Variants in PSD2 observed in about 807,000 individuals in gnomAD.
PSD2 encodes PH and SEC7 domain-containing protein 2.
A neutral mutation model predicts 69.8 loss-of-function variants in PSD2; 38 were observed. That is an observed-to-expected ratio of 0.54 (90% CI 0.42 to 0.71). The LOEUF is 0.71. Ranked by LOEUF, PSD2 falls within the 30% of genes least tolerant of loss-of-function variation. The pLI is 0.00. For missense variants in PSD2, 943 were observed against 1,014.5 expected (o/e 0.93, Z 0.96); for synonymous variants, 412 against 423.0 (o/e 0.97, Z 0.32).
At chr5:139,836,704 T>C (rs935966735) in intron 9 of PSD2, 107 bp from the exon 10 acceptor site, 24 of 960,584 alleles carry the variant, frequency 2.5e-5, no homozygotes, top group Non-Finnish European at 3.7e-5. Flanking sequence ...GGGGCTGCTC[T>C]TCCTCCATGA....
the PSD2 span, among the ~76,000 whole-genome samples, chr5:139,760,841 C>CAATAGAG: frequency 6.6e-6 from 1 of 152,020 alleles, no homozygotes; most frequent in Non-Finnish European, 1.5e-5. Context: ...GTGCTACAGC[C>CAATAGAG]AATAGAGAAT....
At chr5:139,805,764 G>A (rs961076722) in intron 1 of PSD2, among the ~76,000 whole-genome samples, 9 of 152,172 alleles carry the variant, frequency 5.9e-5, no homozygotes, top group East Asian at 5.8e-4. Flanking sequence ...CTCAGGGAGC[G>A]GAAAGAAGGC....
chr5:139,772,252 C>G, the PSD2 span, among the ~76,000 whole-genome samples: 1 of 152,278 alleles, frequency 6.6e-6, no homozygotes, highest in South Asian at 2.1e-4. Flanking sequence ...GACTCTAGTC[C>G]CAGACCCAGC....
At chr5:139,757,478 A>AG in the PSD2 span, among the ~76,000 whole-genome samples, 2 of 152,194 alleles carry the variant, frequency 1.3e-5, no homozygotes, top group South Asian at 2.1e-4. Context: ...CAAAGACTCA[A>AG]GGGGGGTAGT....
At chr5:139,805,469 C>T (rs995240325) in intron 1 of PSD2, among the ~76,000 whole-genome samples, 1 of 152,202 alleles carries the variant, frequency 6.6e-6, no homozygotes, top group Non-Finnish European at 1.5e-5. Flanking sequence ...ACTCTGGGGA[C>T]ACAGCCGTGA....
the PSD2 span, among the ~76,000 whole-genome samples, chr5:139,785,102 C>T: frequency 6.6e-6 from 1 of 152,026 alleles, no homozygotes; most frequent in Non-Finnish European, 1.5e-5. Context: ...TTTCAAAGTG[C>T]CCACTGATAA....
At chr5:139,832,247 C>T (rs554818529) in intron 7 of PSD2, among the ~76,000 whole-genome samples, 2 of 152,276 alleles carry the variant, frequency 1.3e-5, no homozygotes, top group South Asian at 2.1e-4. Context: ...CAACATTGCC[C>T]TCATAATCCT....
the PSD2 span, among the ~76,000 whole-genome samples, chr5:139,771,319 A>G: frequency 6.6e-6 from 1 of 152,174 alleles, no homozygotes; most frequent in Non-Finnish European, 1.5e-5. Flanking sequence ...CGTGGTGGGT[A>G]AGGCCCTGAA....
chr5:139,766,912 CCTTCCTTCCTTCCTTCCCTTCTTTCTTT>C, the PSD2 span, among the ~76,000 whole-genome samples: 36 of 64,770 alleles, frequency 5.6e-4, 3 homozygotes, highest in South Asian at 1.3e-3. Context: ...TCCCTCCCTT[CCTTCCTTCCTTCCTTCCCTTCTTTCTTT>C]CTTTCTTTCT....
rs1326734824 is a variant in PSD2 at position 139,814,612 on chromosome 5, G to T, written c.1016+248G>T. 6.6e-6 allele frequency among the ~76,000 whole-genome samples: 1 copy of T among 152,120 alleles called. No individual in the cohort carries two copies. Among genetic ancestry groups the T allele is most frequent in the Non-Finnish European group, 1.5e-5 (1 of 68,014 alleles). Reference sequence around the variant, plus strand: ...TGGTGGCGGGCAGCCCCTCAGGGCTGGGGGTGCGGGATGTGGGATGTGGTT... The same window carrying T: ...TGGTGGCGGGCAGCCCCTCAGGGCTTGGGGTGCGGGATGTGGGATGTGGTT... On this transcript the variant is annotated intron_variant, in intron 4 of 14. Transcript: ENST00000274710. The surrounding 1 kb of genome is among the most constrained non-coding windows in gnomAD (Gnocchi z 4.4).
Position 139,840,014 on chromosome 5 carries a change from T to A in PSD2, c.1969-13T>A. On this transcript the variant is annotated splice_polypyrimidine_tract_variant and intron_variant, in intron 13 of 14. Coordinates refer to ENST00000274710, the MANE Select transcript of PSD2 (RefSeq NM_032289.4). Reference sequence around the variant, plus strand: ...GAGAGTAAGGCCTCACAGTCCAGGATTTGTCTTTGCAGGAGGAGCAACTGC... The same window carrying A: ...GAGAGTAAGGCCTCACAGTCCAGGAATTGTCTTTGCAGGAGGAGCAACTGC... 12 of 1,614,044 alleles carry A rather than the reference T, an allele frequency of 7.4e-6. No homozygotes were observed. The highest frequency in any genetic ancestry group is 1.0e-5 in the Non-Finnish European group (12 of 1,179,958).
At chr5:139,819,033 G>A (rs1186297841) in intron 5 of PSD2, among the ~76,000 whole-genome samples, 1 of 151,974 alleles carries the variant, frequency 6.6e-6, no homozygotes. Flanking sequence ...ATCTGTATCT[G>A]TTTCTATTGT....
At chr5:139,795,546 G>A (rs1338469055), upstream of PSD2, among the ~76,000 whole-genome samples, 1 of 152,120 alleles carries the variant, frequency 6.6e-6, no homozygotes, top group Non-Finnish European at 1.5e-5. The surrounding 1 kb of genome is among the most constrained non-coding windows in gnomAD (Gnocchi z 4.5). Context: ...CTAGGAGGGG[G>A]CAGAACCCCG....
chr5:139,792,777 TCCTC>T (rs370414868), upstream of PSD2, among the ~76,000 whole-genome samples: 1,755 of 150,906 alleles, frequency 0.012, 32 homozygotes, highest in African/African-American at 0.04. Flanking sequence ...CTTCCTTCCT[TCCTC>T]CCTCCCTCCC....
At chr5:139,788,509 G>A in the PSD2 span, among the ~76,000 whole-genome samples, 1 of 152,170 alleles carries the variant, frequency 6.6e-6, no homozygotes, top group Admixed American at 6.5e-5. Flanking sequence ...CCTCCACTAG[G>A]GTAGAGACTG....
At chr5:139,744,224 G>A in the PSD2 span, among the ~76,000 whole-genome samples, 1 of 152,118 alleles carries the variant, frequency 6.6e-6, no homozygotes, top group Admixed American at 6.5e-5. Context: ...ATCTGTGTGG[G>A]CTCATAACAA....
the PSD2 span, among the ~76,000 whole-genome samples, chr5:139,751,664 C>T: frequency 6.6e-6 from 1 of 152,062 alleles, no homozygotes; most frequent in South Asian, 2.1e-4. Context: ...TGCCTGTGAG[C>T]GTTCTGTGAG....
At chr5:139,835,050 C>G (rs1432250254) in intron 8 of PSD2, among the ~76,000 whole-genome samples, 1 of 151,858 alleles carries the variant, frequency 6.6e-6, no homozygotes, top group Non-Finnish European at 1.5e-5. Flanking sequence ...CACTCCCCAT[C>G]TACTCACCTC....
chr5:139,780,504 C>T, the PSD2 span, among the ~76,000 whole-genome samples: 10 of 152,134 alleles, frequency 6.6e-5, no homozygotes, highest in East Asian at 1.9e-4. Context: ...AGTGCAGTGG[C>T]GTGATCTTGG....
Sources: allele counts gnomAD v4.1 joint callset (sites outside exome capture counted in the v4.1 genomes callset), GRCh38; gene constraint gnomAD v4.1.1; non-coding constraint Gnocchi (gnomAD v3.1); transcripts MANE v1.5; gene names NCBI Gene and HGNC (gene_info 2026-07-23, HGNC 2026-07-21).